Variants in MYL1 observed in about 807,000 individuals in gnomAD.
The protein encoded by MYL1 is myosin light chain 1/3, skeletal muscle isoform.
Under a neutral mutation model 21.8 loss-of-function variants are expected in MYL1, and 16 were observed. That is an observed-to-expected ratio of 0.74 (90% CI 0.50 to 1.12). MYL1 has a LOEUF of 1.12. Among genes scored for constraint, MYL1 ranks in the 50% most tolerant of loss-of-function variants. The pLI is 0.00. For synonymous variants in MYL1, 99 were observed against 85.2 expected (o/e 1.16, Z -0.89); for missense variants, 246 against 241.0 (o/e 1.02, Z -0.14).
chr2:210,310,014 C>T (rs1034032346), intron 1 of MYL1, among the ~76,000 whole-genome samples: 1 of 152,140 alleles, frequency 6.6e-6, no homozygotes, highest in African/African-American at 2.4e-5. Context: ...TCTTCTGTTA[C>T]AGCATAGACA....
chr2:210,309,615 A>G (rs1290129579), intron 1 of MYL1, among the ~76,000 whole-genome samples: 2 of 152,050 alleles, frequency 1.3e-5, no homozygotes, highest in Admixed American at 6.6e-5. Flanking sequence ...AACAAATCAC[A>G]GAAGATCTTG....
At chr2:210,311,328 C>T (rs1226906345) in intron 1 of MYL1, among the ~76,000 whole-genome samples, 3 of 152,004 alleles carry the variant, frequency 2.0e-5, no homozygotes, top group African/African-American at 7.2e-5. Context: ...CACTGAATAC[C>T]CATCAGTAAG....
chr2:210,307,499 C>A lies in MYL1; in HGVS notation c.133-4984G>T, dbSNP rs183743829. Among the ~76,000 whole-genome samples the A allele has an allele frequency of 3.3e-5, 5 of 152,212 alleles. No homozygotes were observed. The East Asian group carries it at 9.7e-4, about 29-fold the overall frequency. On this transcript the variant is annotated intron_variant, in intron 1 of 6. Coordinates refer to ENST00000352451, the MANE Select transcript of MYL1 (RefSeq NM_079420.3). ...TCATTTTGAATTATTGTTTATGTAC[C>A]TTTATATTTGTAGCACCTTCCTTTA... is the stretch of plus-strand genomic sequence containing the variant.
intron 1 of MYL1, among the ~76,000 whole-genome samples, chr2:210,305,660 T>C (rs964639449): frequency 6.6e-6 from 1 of 152,186 alleles, no homozygotes; most frequent in Non-Finnish European, 1.5e-5. Flanking sequence ...AACATAATTA[T>C]TTTCATATTT....
intron 1 of MYL1, among the ~76,000 whole-genome samples, chr2:210,310,911 CACAGT>C (rs1403899904): frequency 6.6e-6 from 1 of 152,020 alleles, no homozygotes; most frequent in Non-Finnish European, 1.5e-5. Context: ...ATATGGTTAA[CACAGT>C]TGACTCTGGA....
chr2:210,292,141 T>C (rs1278019709), intron 5 of MYL1, among the ~76,000 whole-genome samples: 3 of 152,210 alleles, frequency 2.0e-5, no homozygotes, highest in Non-Finnish European at 4.4e-5. Context: ...CGATCTTCAC[T>C]CACTGCAAAC....
At chr2:210,309,043 C>A (rs1384185037) in intron 1 of MYL1, among the ~76,000 whole-genome samples, 1 of 151,994 alleles carries the variant, frequency 6.6e-6, no homozygotes, top group Non-Finnish European at 1.5e-5. Context: ...TTTGTTTTAG[C>A]TTTCTTATCA....
intron 1 of MYL1, among the ~76,000 whole-genome samples, chr2:210,312,471 A>C (rs964523177): frequency 5.3e-5 from 8 of 151,946 alleles, no homozygotes; most frequent in Admixed American, 6.6e-5. Flanking sequence ...AAAACATCAT[A>C]ATATAAAATG....
At chr2:210,308,344 C>A (rs544842988) in intron 1 of MYL1, among the ~76,000 whole-genome samples, 1 of 137,270 alleles carries the variant, frequency 7.3e-6, no homozygotes, top group East Asian at 2.1e-4. Context: ...TAACTCAAGT[C>A]GAAGGAAATA....
intron 1 of MYL1, among the ~76,000 whole-genome samples, chr2:210,305,709 T>C (rs1559662859): frequency 6.6e-6 from 1 of 152,170 alleles, no homozygotes; most frequent in Non-Finnish European, 1.5e-5. Context: ...CTTGCCTAGA[T>C]ATAAAATATG....
intron 5 of MYL1, among the ~76,000 whole-genome samples, chr2:210,293,487 C>T (rs374724995): frequency 6.6e-6 from 1 of 152,124 alleles, no homozygotes; most frequent in Non-Finnish European, 1.5e-5. Flanking sequence ...GAAGATCTAA[C>T]AAAAAATATA....
At chr2:210,303,823 C>T (rs184494621) in intron 1 of MYL1, among the ~76,000 whole-genome samples, 9 of 152,206 alleles carry the variant, frequency 5.9e-5, no homozygotes, top group Non-Finnish European at 1.2e-4. Flanking sequence ...GGAAGCCTGC[C>T]GGTACTTTTA....
At chr2:210,298,070 C>T (rs553836525) in intron 3 of MYL1, among the ~76,000 whole-genome samples, 1 of 152,028 alleles carries the variant, frequency 6.6e-6, no homozygotes, top group South Asian at 2.1e-4. Flanking sequence ...TTACATTAGC[C>T]TTTAATTATG....
chr2:210,294,129 T>C (rs993826559), intron 4 of MYL1, 116 bp downstream of exon 4: 28 of 1,116,662 alleles, frequency 2.5e-5, no homozygotes, highest in Non-Finnish European at 3.2e-5. Flanking sequence ...GACTATTTTT[T>C]TTTCCCATTT....
intron 1 of MYL1, among the ~76,000 whole-genome samples, chr2:210,310,056 C>A (rs1000261985): frequency 6.6e-6 from 1 of 151,978 alleles, no homozygotes; most frequent in Admixed American, 6.6e-5. Flanking sequence ...GATACTGATA[C>A]CTAGTGATAG....
chr2:210,302,889 A>G (rs1690286275), intron 1 of MYL1: 1 of 1,352,742 alleles, frequency 7.4e-7, no homozygotes, highest in African/African-American at 1.5e-5. Flanking sequence ...GATTTTTAGG[A>G]AGCTATGTAG....
At chr2:210,294,734 T>C (rs1219402358) in intron 3 of MYL1, among the ~76,000 whole-genome samples, 1 of 152,152 alleles carries the variant, frequency 6.6e-6, no homozygotes, top group Non-Finnish European at 1.5e-5. Flanking sequence ...AATGAGCTAA[T>C]GAATGCAAAG....
intron 5 of MYL1, among the ~76,000 whole-genome samples, chr2:210,292,364 C>T (rs943688839): frequency 3.3e-5 from 5 of 151,614 alleles, no homozygotes; most frequent in African/African-American, 4.8e-5. Flanking sequence ...TGAGCCACCA[C>T]GCCCAGCTGT....
intron 1 of MYL1, chr2:210,303,661 T>C: frequency 6.8e-7 from 1 of 1,475,434 alleles, no homozygotes; most frequent in Non-Finnish European, 9.2e-7. Flanking sequence ...GGGCAAGCTT[T>C]GACCTCACAG....
Sources: allele counts gnomAD v4.1 joint callset (sites outside exome capture counted in the v4.1 genomes callset), GRCh38; gene constraint gnomAD v4.1.1; transcripts MANE v1.5; gene names NCBI Gene and HGNC (gene_info 2026-07-23, HGNC 2026-07-21).